The following API5 variants were observed in gnomAD, a reference collection of about 807,000 sequenced individuals.
API5 encodes apoptosis inhibitor 5, also known as FIF.
API5 carries 6 observed loss-of-function variants against 71.9 expected under a neutral mutation model. The ratio of observed to expected loss-of-function variants is 0.08; its 90% confidence interval spans 0.05 to 0.16. API5 has a LOEUF of 0.16. Among genes scored for constraint, API5 ranks in the 10% least tolerant of loss-of-function variants. API5 has a pLI of 1.00. For synonymous variants in API5, 189 were observed against 221.3 expected (o/e 0.85, Z 1.30); for missense variants, 332 against 612.8 (o/e 0.54, Z 4.84).
At chr11:43,332,585 T>C (rs1855293197) in intron 11 of API5, among the ~76,000 whole-genome samples, 1 of 152,162 alleles carries the variant, frequency 6.6e-6, no homozygotes, top group East Asian at 1.9e-4. Flanking sequence ...GAGTCCTGAG[T>C]GCAGGAGTTT....
intron 1 of API5, among the ~76,000 whole-genome samples, chr11:43,313,456 T>G (rs529270583): frequency 6.6e-6 from 1 of 152,318 alleles, no homozygotes; most frequent in Middle Eastern, 3.4e-3. Flanking sequence ...CTTAGAACTT[T>G]GTGATTTTTC....
chr11:43,320,571 C>T (rs1030330644), intron 2 of API5, among the ~76,000 whole-genome samples: 3 of 151,560 alleles, frequency 2.0e-5, no homozygotes, highest in Non-Finnish European at 2.9e-5. Flanking sequence ...TAGGGAAATC[C>T]GCCTTTAAAA....
chr11:43,337,143 G>A (rs575758202), intron 13 of API5, among the ~76,000 whole-genome samples: 2 of 151,604 alleles, frequency 1.3e-5, no homozygotes, highest in Admixed American at 6.6e-5. Context: ...GGGGAACAAA[G>A]CGAGACCCCA....
At chr11:43,329,879 A>G (rs563369795) in intron 9 of API5, 86 bp from the exon 10 acceptor site, 1 of 1,073,118 alleles carries the variant, frequency 9.3e-7, no homozygotes, top group South Asian at 1.4e-5. Flanking sequence ...TTCTGCACTT[A>G]GGATCATTTT....
At chr11:43,328,292 A>G (rs1422845158) in intron 8 of API5, among the ~76,000 whole-genome samples, 2 of 152,242 alleles carry the variant, frequency 1.3e-5, no homozygotes, top group South Asian at 4.1e-4. Flanking sequence ...CTTAAACAAT[A>G]TGGACTTACG....
chr11:43,318,962 G>C (rs1285411281), intron 2 of API5, 161 bp downstream of exon 2: 1 of 597,602 alleles, frequency 1.7e-6, no homozygotes, highest in East Asian at 3.0e-5. Flanking sequence ...ATGATAAAGT[G>C]TATTAGCCTT....
intron 1 of API5, among the ~76,000 whole-genome samples, chr11:43,316,347 A>G (rs1307528944): frequency 6.6e-6 from 1 of 150,982 alleles, no homozygotes; most frequent in African/African-American, 2.4e-5. Flanking sequence ...TCCAGATTTA[A>G]TATTTTTTTC....
In API5 at chr11:43,328,587, A is replaced by G. The variant is rs1855149825; in HGVS notation, c.946-125A>G. The stretch of plus-strand genomic sequence containing the variant: ...TCCAGTAAGTAAAAAAGAAATCCAA[A>G]TGTCTGGTTTTGGTAGTTTTTAATG... On this transcript the variant is annotated intron_variant, in intron 8 of 13. Coordinates refer to ENST00000531273, the MANE Select transcript of API5 (RefSeq NM_001142930.2). 2.3e-5 allele frequency: 19 copies of G among 821,728 alleles called. No individual in the cohort carries two copies. In the South Asian group the frequency reaches 3.5e-4, roughly 15 times the overall value. The allele number at this position is 821,728 out of a possible 1,614,324, so 50.9% of individuals were successfully genotyped here. A position where few individuals can be genotyped will look rare whatever the true frequency, so the allele number is the denominator to read the frequency against.
rs1372929434 is a variant in API5, at chr11:43,342,726, A to G, written c.*216A>G. 1.3e-5 allele frequency: 9 copies of G among 668,436 alleles called. No individual in the cohort carries two copies. Among genetic ancestry groups the G allele is most frequent in the East Asian group, 2.7e-5 (1 of 36,752 alleles). The allele number at this position is 668,436 out of a possible 1,614,324, so 41.4% of individuals were successfully genotyped here. ...GATATTTTTGGATGCTTTGTCTGCAATCTTGACTTGTTTTTGCAGTATCAT... is the reference window on the plus strand; with the variant it reads ...GATATTTTTGGATGCTTTGTCTGCAGTCTTGACTTGTTTTTGCAGTATCAT... On this transcript the variant is annotated 3_prime_UTR_variant, in exon 14 of 14. Transcript: ENST00000531273.
rs759592426 is a variant in API5, at chr11:43,342,646, A to C, written c.*136A>C. 2.5e-5 allele frequency: 21 copies of C among 853,922 alleles called. No individual in the cohort carries two copies. In the African/African-American group the frequency reaches 3.5e-4, roughly 14 times the overall value. 52.9% of individuals were successfully genotyped at this position (853,922 alleles called of 1,614,324 possible). Reference sequence around the variant, plus strand: ...AACTTAATGTTCTTTATACCTTTGTATGTATGACCTACTTTTGTAACAGAC... The same window carrying C: ...AACTTAATGTTCTTTATACCTTTGTCTGTATGACCTACTTTTGTAACAGAC... On this transcript the variant is annotated 3_prime_UTR_variant, in exon 14 of 14. Coordinates refer to ENST00000531273, the MANE Select transcript of API5 (RefSeq NM_001142930.2).
chr11:43,326,424 A>G, intron 6 of API5, 83 bp from the exon 7 acceptor site: 1 of 888,834 alleles, frequency 1.1e-6, no homozygotes, highest in Non-Finnish European at 1.8e-6. Context: ...TGTAGCGCTC[A>G]GCATTTATTG....
chr11:43,312,321 C>G (rs1854502628), intron 1 of API5, 125 bp downstream of exon 1: 1 of 1,000,350 alleles, frequency 1.0e-6, no homozygotes, highest in East Asian at 2.6e-5. Flanking sequence ...TCCTAGCCTC[C>G]TCAGGCCGTC....
rs117159940 is a variant in API5, at chr11:43,312,560, C to T, written c.69+364C>T. On this transcript the variant is annotated intron_variant, in intron 1 of 13. Coordinates refer to ENST00000531273, the MANE Select transcript of API5 (RefSeq NM_001142930.2). ...GAGCTCAGTGCTTCCAAGATTAGAT[C>T]GGGAGTTTTCTTCATGAGGTCAAGA... Among the ~76,000 whole-genome samples, 1,021 of 152,152 alleles carry T rather than the reference C, an allele frequency of 6.7e-3. 25 individuals carry two copies. In the East Asian group the frequency reaches 0.086, roughly 13 times the overall value.
chr11:43,339,502 G>A (rs1415593117), intron 13 of API5: 2 of 152,122 alleles, frequency 1.3e-5, no homozygotes, highest in Admixed American at 6.5e-5. Flanking sequence ...TTCATGGGAC[G>A]ACACCTTTGA....
chr11:43,318,427 C>A, intron 1 of API5: 2 of 1,533,478 alleles, frequency 1.3e-6, no homozygotes, highest in Non-Finnish European at 1.7e-6. Flanking sequence ...TTAGACTCAT[C>A]CATCTCCCCC....
chr11:43,335,595 A>G (rs2134378475), intron 12 of API5, among the ~76,000 whole-genome samples: 1 of 152,286 alleles, frequency 6.6e-6, no homozygotes, highest in Non-Finnish European at 1.5e-5. Context: ...TTTTTCTGAC[A>G]GGTTTTGTAA....
chr11:43,328,813 T>C lies in API5; in HGVS notation c.1047T>C (p.Ser349=), dbSNP rs1369913420. ...GTTATGTGGAATGTTTGTTGTACAG[T>C]TTTCACCAGTTGGGCCGAAAACTTC... ...QFSYVECLLY[S]FHQLGRKLPD... is the part of the protein sequence containing the mutation. The change falls in exon 9 of 14, where the codon AGT becomes AGC. Residue 349 remains serine (S), a synonymous_variant. Coordinates refer to ENST00000531273, the MANE Select transcript of API5 (RefSeq NM_001142930.2). 1.2e-6 allele frequency: 2 copies of C among 1,613,990 alleles called. No homozygotes were observed. Among genetic ancestry groups the C allele is most frequent in the South Asian group, 2.2e-5 (2 of 91,078 alleles).
chr11:43,312,589 G>GT (rs1276043398), intron 1 of API5, among the ~76,000 whole-genome samples: 31 of 151,956 alleles, frequency 2.0e-4, no homozygotes, highest in Admixed American at 5.9e-4. Flanking sequence ...GTCAAGATGT[G>GT]TTTTTTTTGG....
chr11:43,326,479 CA>C, intron 6 of API5, 27 bp from the exon 7 acceptor site: 1 of 1,369,244 alleles, frequency 7.3e-7, no homozygotes, highest in Non-Finnish European at 1.0e-6. Flanking sequence ...TGTTTTTCGA[CA>C]ATGCATTTTC....
Sources: allele counts gnomAD v4.1 joint callset (sites outside exome capture counted in the v4.1 genomes callset), GRCh38; gene constraint gnomAD v4.1.1; transcripts MANE v1.5; gene names NCBI Gene and HGNC (gene_info 2026-07-23, HGNC 2026-07-21).